The following ANO2 variants were observed in gnomAD, a reference collection of about 807,000 sequenced individuals.
ANO2 encodes the protein anoctamin-2.
Under a neutral mutation model 124.2 loss-of-function variants are expected in ANO2, and 101 were observed. The observed-to-expected ratio is 0.81, with a 90% CI of 0.69 to 0.96. The LOEUF is 0.96. Among genes scored for constraint, ANO2 ranks in the 40% least tolerant of loss-of-function variants. ANO2 has a pLI of 0.00. For synonymous variants in ANO2, 486 were observed against 482.5 expected (o/e 1.01, Z -0.09); for missense variants, 1,293 against 1,274.5 (o/e 1.01, Z -0.22).
chr12:5,819,844 G>T (rs1307692550), intron 7 of ANO2, among the ~76,000 whole-genome samples: 1 of 135,852 alleles, frequency 7.4e-6, no homozygotes, highest in Non-Finnish European at 1.7e-5. Flanking sequence ...AAGTGGCAGG[G>T]GCCAAGTGGC....
intron 3 of ANO2, among the ~76,000 whole-genome samples, chr12:5,873,247 G>GTC (rs1937854359): frequency 2.8e-5 from 2 of 72,356 alleles, no homozygotes; most frequent in Non-Finnish European, 5.7e-5. Flanking sequence ...CTCTCTCTCT[G>GTC]TCTGTCTCTC....
At chr12:5,739,703 G>A (rs1489474545) in intron 12 of ANO2, among the ~76,000 whole-genome samples, 4 of 151,962 alleles carry the variant, frequency 2.6e-5, no homozygotes, top group Non-Finnish European at 4.4e-5. Context: ...AGGATGGCGG[G>A]ATGAAGAAAA....
chr12:5,649,703 C>T (rs1031982036), intron 14 of ANO2, among the ~76,000 whole-genome samples: 15 of 152,258 alleles, frequency 9.9e-5, no homozygotes, highest in African/African-American at 3.4e-4. Context: ...CTCCCAGGTT[C>T]GAGTGATTCT....
intron 10 of ANO2, among the ~76,000 whole-genome samples, chr12:5,795,695 C>A (rs1488245254): frequency 6.6e-6 from 1 of 152,154 alleles, no homozygotes; most frequent in Non-Finnish European, 1.5e-5. Flanking sequence ...TGTTTTGTCT[C>A]ATTCATATCA....
At chr12:5,639,025 G>A (rs888772078) in intron 15 of ANO2, among the ~76,000 whole-genome samples, 2 of 152,280 alleles carry the variant, frequency 1.3e-5, no homozygotes, top group Admixed American at 6.5e-5. Flanking sequence ...ACAGGCCTCC[G>A]TTCACGAGCT....
At chr12:5,897,906 G>A (rs116514863) in intron 3 of ANO2, among the ~76,000 whole-genome samples, 159 of 152,006 alleles carry the variant, frequency 1.0e-3, no homozygotes, top group African/African-American at 3.4e-3. Flanking sequence ...ATAAAATGAC[G>A]TAAAATAAAA....
chr12:5,584,599 G>C (rs973097366), intron 20 of ANO2, among the ~76,000 whole-genome samples: 7 of 152,128 alleles, frequency 4.6e-5, no homozygotes, highest in African/African-American at 1.7e-4. Flanking sequence ...GCACAGCAGG[G>C]GAAGGTCATA....
intron 10 of ANO2, among the ~76,000 whole-genome samples, chr12:5,789,042 G>T (rs1253078802): frequency 6.6e-6 from 1 of 152,218 alleles, no homozygotes; most frequent in African/African-American, 2.4e-5. Context: ...ATCCACAGAA[G>T]TCAAAAGAGC....
In ANO2 at chr12:5,723,856, C is replaced by T. The variant is rs976537991; in HGVS notation, c.1545+8664G>A. 5.9e-5 allele frequency among the ~76,000 whole-genome samples: 9 copies of T among 152,246 alleles called. No individual in the cohort carries two copies. The South Asian group carries it at 1.0e-3, about 18-fold the overall frequency. On this transcript the variant is annotated intron_variant, in intron 14 of 24. Transcript: ENST00000682330. ...TATGAGAAGGCCAAGGGGCAGTGTG[C>T]ACAGATCCTCTGAAGCACAGGACTG...
chr12:5,888,943 G>C (rs1302543099), intron 3 of ANO2, among the ~76,000 whole-genome samples: 1 of 152,236 alleles, frequency 6.6e-6, no homozygotes, highest in East Asian at 1.9e-4. Flanking sequence ...CCTTGGAGCA[G>C]GGAGCTGTGC....
At chr12:5,786,919 G>C (rs1952556817) in intron 10 of ANO2, among the ~76,000 whole-genome samples, 1 of 152,188 alleles carries the variant, frequency 6.6e-6, no homozygotes, top group Admixed American at 6.5e-5. Context: ...ATGGTAAACT[G>C]GTCCTTGATG....
At chr12:5,847,550 C>T (rs576457113) in intron 4 of ANO2, among the ~76,000 whole-genome samples, 3 of 151,348 alleles carry the variant, frequency 2.0e-5, no homozygotes, top group African/African-American at 4.8e-5. Context: ...ATAAGAGGTG[C>T]TGCAGTCCTG....
intron 1 of ANO2, among the ~76,000 whole-genome samples, chr12:5,939,421 T>A (rs1182229336): frequency 6.6e-6 from 1 of 152,074 alleles, no homozygotes; most frequent in African/African-American, 2.4e-5. Context: ...CAGGCTGCAG[T>A]AAGGATCAAA....
In ANO2 at chr12:5,635,333, G is replaced by A. The variant is rs752551509; in HGVS notation, c.1635C>T (p.Phe545=). 3.2e-6 allele frequency: 5 copies of A among 1,576,832 alleles called. No homozygotes were observed. The highest frequency in any genetic ancestry group is 1.4e-5 in the African/African-American group (1 of 73,336). The change falls in exon 16 of 25, where the codon TTC becomes TTT. Residue 545 remains phenylalanine (F), a synonymous_variant. Transcript: ENST00000682330. The surrounding 1 kb of genome is among the most constrained non-coding windows in gnomAD (Gnocchi z 5.2). ...ACACTATCACCCCAAAGACGATTGA[G>A]AATGTCAGGGCAATCTGTTTGGGAA... ...ASILFMIALT[F]SIVFGVIVYR... is the part of the protein sequence containing the mutation.
At chr12:5,890,611 C>T (rs1939327507) in intron 3 of ANO2, among the ~76,000 whole-genome samples, 2 of 152,306 alleles carry the variant, frequency 1.3e-5, no homozygotes, top group South Asian at 4.1e-4. Context: ...GATGAACATG[C>T]AGTTTACAGC....
intron 14 of ANO2, among the ~76,000 whole-genome samples, chr12:5,664,903 G>A (rs1040232523): frequency 1.3e-5 from 2 of 152,164 alleles, no homozygotes; most frequent in Non-Finnish European, 2.9e-5. Flanking sequence ...ATCATTATTT[G>A]ATCATGAAAC....
At chr12:5,666,920 C>A (rs557760699) in intron 14 of ANO2, among the ~76,000 whole-genome samples, 3 of 152,226 alleles carry the variant, frequency 2.0e-5, no homozygotes, top group Admixed American at 6.5e-5. Flanking sequence ...GGTCTACCCC[C>A]AGAAGGGCTG....
At position 5,799,515 on chromosome 12, in the gene ANO2, G is replaced by T. The variant is rs902628776; in HGVS notation, c.1047C>A (p.Asp349Glu). The stretch of plus-strand genomic sequence containing the variant: ...TCCCTACCACCTCTTACCTGATGAG[G>T]TCAATAGGTTGGAACTTATAGAACA... ...YGVFYKFQPI[D>E]LIRKYFGEKI... The change falls in exon 10 of 25, where the codon GAC becomes GAA. Residue 349 changes from aspartate (D) to glutamate (E), a missense_variant. Transcript: ENST00000682330. The T allele has an allele frequency of 1.9e-6, 3 of 1,613,718 alleles. No individual in the cohort carries two copies.
intron 16 of ANO2, among the ~76,000 whole-genome samples, chr12:5,624,118 C>T (rs1259349915): frequency 6.6e-6 from 1 of 152,208 alleles, no homozygotes; most frequent in Non-Finnish European, 1.5e-5. Flanking sequence ...AGAAAGGTAA[C>T]TCTTGCCCCT....
Sources: allele counts gnomAD v4.1 joint callset (sites outside exome capture counted in the v4.1 genomes callset), GRCh38; gene constraint gnomAD v4.1.1; non-coding constraint Gnocchi (gnomAD v3.1); transcripts MANE v1.5; gene names NCBI Gene and HGNC (gene_info 2026-07-23, HGNC 2026-07-21).